The following GATAD2A variants were observed in gnomAD, a reference collection of about 807,000 sequenced individuals.
The protein encoded by GATAD2A is GATA zinc finger domain containing 2A, also known as transcriptional repressor p66-alpha.
A neutral mutation model predicts 68.5 loss-of-function variants in GATAD2A; 12 were observed. The ratio of observed to expected loss-of-function variants is 0.18; its 90% CI spans 0.11 to 0.28. GATAD2A has a LOEUF of 0.28. Ranked by LOEUF, GATAD2A falls within the 10% of genes least tolerant of loss-of-function variation. GATAD2A has a pLI of 1.00. For missense variants in GATAD2A, 755 were observed against 868.5 expected, an observed-to-expected ratio of 0.87 and a Z score of 1.64; for synonymous variants, 410 against 375.3, an observed-to-expected ratio of 1.09 and a Z score of -1.07.
chr19:19,491,348 A>G (rs1382807116), intron 2 of GATAD2A, among the ~76,000 whole-genome samples: 1 of 152,130 alleles, frequency 6.6e-6, no homozygotes, highest in African/African-American at 2.4e-5. Context: ...CCGTGGGCCG[A>G]CGGTGAAAAG....
At chr19:19,491,290 A>G (rs1458628698) in intron 2 of GATAD2A, among the ~76,000 whole-genome samples, 2 of 152,196 alleles carry the variant, frequency 1.3e-5, no homozygotes, top group Non-Finnish European at 2.9e-5. Flanking sequence ...AAAGCCTGCA[A>G]GTACTTCCCC....
rs1483061517 is a variant in GATAD2A at position 19,386,553 on chromosome 19, G to T, written c.-7+415G>T. On this transcript the variant is annotated intron_variant, in intron 1 of 11. Transcript: ENST00000360315. ...AGGGGACTCCCATCTCTCCAGGCAGGGGACCCCGCTTCTCTAGGGGAACGC... is the reference window on the plus strand; with the variant it reads ...AGGGGACTCCCATCTCTCCAGGCAGTGGACCCCGCTTCTCTAGGGGAACGC... Among the ~76,000 whole-genome samples, 16 of 151,466 alleles carry T rather than the reference G, an allele frequency of 1.1e-4. 1 individual carries two copies. Among genetic ancestry groups the T allele is most frequent in the Admixed American group, 1.0e-3 (16 of 15,250 alleles).
At chr19:19,498,402 A>G in intron 7 of GATAD2A, 41 bp from the exon 8 acceptor site, 1 of 1,570,192 alleles carries the variant, frequency 6.4e-7, no homozygotes, top group South Asian at 1.1e-5. Context: ...TCCTCTGGGC[A>G]GGCGCACGGA....
chr19:19,447,805 G>C (rs2055906369), intron 1 of GATAD2A, among the ~76,000 whole-genome samples: 1 of 152,234 alleles, frequency 6.6e-6, no homozygotes. Context: ...TGGGTGCCCT[G>C]ATGAAAATGG....
In GATAD2A at chr19:19,501,132, G is replaced by A. The variant is rs772922486; in HGVS notation, c.1219G>A (p.Ala407Thr). The A allele has an allele frequency of 3.2e-5, 51 of 1,607,956 alleles. No individual in the cohort carries two copies. In the Admixed American group the frequency reaches 7.7e-4, roughly 24 times the overall value. Reference protein sequence around the residue: ...LLETQAGRMSAATVLSREPYM... With the variant: ...LLETQAGRMSTATVLSREPYM... ...TCTGCTTGCAGCAGGCAGGATGTCG[G>A]CCGCCACTGTGCTGTCCCGGGAGCC... Residue 407 changes from alanine (A) to threonine (T), a missense_variant, in exon 9 of 12, where the codon GCC becomes ACC. Coordinates refer to ENST00000683918, the MANE Select transcript of GATAD2A (RefSeq NM_001384528.1).
At chr19:19,451,305 C>T (rs1362003282) in intron 1 of GATAD2A, among the ~76,000 whole-genome samples, 1 of 152,066 alleles carries the variant, frequency 6.6e-6, no homozygotes, top group Admixed American at 6.6e-5. Flanking sequence ...CACTTGAACC[C>T]AGGAGGCGGA....
At chr19:19,456,046 C>T (rs1216574142) in intron 1 of GATAD2A, among the ~76,000 whole-genome samples, 5 of 149,308 alleles carry the variant, frequency 3.3e-5, no homozygotes, top group African/African-American at 1.2e-4. Flanking sequence ...CCCAGCTACT[C>T]GGGAGGCTGA....
chr19:19,469,820 A>G (rs2058144856), intron 2 of GATAD2A, among the ~76,000 whole-genome samples: 1 of 151,986 alleles, frequency 6.6e-6, no homozygotes, highest in African/African-American at 2.4e-5. Context: ...GGTGGCACGC[A>G]CCTATAGTCC....
chr19:19,502,826 C>G (rs563211180), intron 11 of GATAD2A, among the ~76,000 whole-genome samples: 1 of 152,374 alleles, frequency 6.6e-6, no homozygotes, highest in East Asian at 1.9e-4. Context: ...CATGTGGACT[C>G]TTGTCAGCAC....
intron 1 of GATAD2A, among the ~76,000 whole-genome samples, chr19:19,459,886 C>T (rs1040627541): frequency 1.3e-5 from 2 of 152,230 alleles, no homozygotes; most frequent in African/African-American, 4.8e-5. Flanking sequence ...TTGTATCTCT[C>T]GTACTTGGCC....
intron 2 of GATAD2A, among the ~76,000 whole-genome samples, chr19:19,478,283 G>T (rs571589587): frequency 6.6e-6 from 1 of 152,272 alleles, no homozygotes; most frequent in East Asian, 1.9e-4. Context: ...GGATATGTCT[G>T]TTGACATTTA....
At chr19:19,499,801 C>G (rs887468533) in intron 8 of GATAD2A, among the ~76,000 whole-genome samples, 1 of 151,672 alleles carries the variant, frequency 6.6e-6, no homozygotes, top group Non-Finnish European at 1.5e-5. Context: ...CTCGTAACTC[C>G]CGGCCACAGG....
chr19:19,462,583 G>A (rs757829782), intron 1 of GATAD2A, among the ~76,000 whole-genome samples: 1 of 152,230 alleles, frequency 6.6e-6, no homozygotes, highest in African/African-American at 2.4e-5. Context: ...GAGCTGCTGT[G>A]CACCTTGAGT....
chr19:19,494,944 G>C (rs570798114), intron 5 of GATAD2A, among the ~76,000 whole-genome samples: 1 of 152,360 alleles, frequency 6.6e-6, no homozygotes, highest in Non-Finnish European at 1.5e-5. Context: ...ACTATTCCTT[G>C]TTCCAGTATC....
intron 9 of GATAD2A, among the ~76,000 whole-genome samples, chr19:19,501,767 C>G (rs575372120): frequency 6.6e-6 from 1 of 152,184 alleles, no homozygotes; most frequent in African/African-American, 2.4e-5. Context: ...TCCTTCCCAC[C>G]CTCTTGTAGA....
upstream of GATAD2A, among the ~76,000 whole-genome samples, chr19:19,404,075 G>A (rs532540958): frequency 7.9e-5 from 12 of 152,228 alleles, no homozygotes; most frequent in Non-Finnish European, 1.5e-4. Flanking sequence ...TGGCCTAGGG[G>A]AGGTTGTGCC....
chr19:19,418,844 C>T (rs1046931678), intron 1 of GATAD2A, among the ~76,000 whole-genome samples: 7 of 151,822 alleles, frequency 4.6e-5, no homozygotes, highest in African/African-American at 9.7e-5. Context: ...TTGTGGTCGC[C>T]GGAAGGAAAA....
At chr19:19,467,111 C>CA (rs1379295435) in intron 2 of GATAD2A, among the ~76,000 whole-genome samples, 2 of 152,234 alleles carry the variant, frequency 1.3e-5, no homozygotes, top group Non-Finnish European at 2.9e-5. Context: ...CGCGGTGACT[C>CA]ACGCCTGTAA....
At chr19:19,478,112 A>G (rs1775051108) in intron 2 of GATAD2A, among the ~76,000 whole-genome samples, 1 of 152,210 alleles carries the variant, frequency 6.6e-6, no homozygotes, top group Non-Finnish European at 1.5e-5. Context: ...CTTTGGCAGC[A>G]AAAAGAAAGT....
Sources: allele counts gnomAD v4.1 joint callset (sites outside exome capture counted in the v4.1 genomes callset), GRCh38; gene constraint gnomAD v4.1.1; transcripts MANE v1.5; gene names NCBI Gene and HGNC (gene_info 2026-07-23, HGNC 2026-07-21).